The following ADAMTS19 variants were observed in gnomAD, a reference collection of about 807,000 sequenced individuals.
ADAMTS19 encodes the protein ADAM metallopeptidase with thrombospondin type 1 motif 19, also known as A disintegrin and metalloproteinase with thrombospondin motifs 19.
In ADAMTS19, 93 loss-of-function variants were observed where a neutral mutation model predicts 153.3. The ratio of observed to expected loss-of-function variants is 0.61; its 90% CI spans 0.51 to 0.72. ADAMTS19 has a LOEUF of 0.72. Among genes scored for constraint, ADAMTS19 ranks in the 30% least tolerant of loss-of-function variants. The pLI is 0.00. For synonymous variants in ADAMTS19, 600 were observed against 556.6 expected, an observed-to-expected ratio of 1.08 and a Z score of -1.10; for missense variants, 1,482 against 1,552.1, an observed-to-expected ratio of 0.95 and a Z score of 0.76.
At chr5:129,540,169 T>G (rs1291077136) in intron 6 of ADAMTS19, among the ~76,000 whole-genome samples, 1 of 152,094 alleles carries the variant, frequency 6.6e-6, no homozygotes, top group East Asian at 1.9e-4. Flanking sequence ...TAGTAAATGC[T>G]CATCGTAGAT....
chr5:129,530,783 C>T (rs1347891853), intron 6 of ADAMTS19, among the ~76,000 whole-genome samples: 1 of 150,070 alleles, frequency 6.7e-6, no homozygotes, highest in African/African-American at 2.5e-5. Context: ...TATCCAATAT[C>T]GTACTGAAGA....
At chr5:129,483,428 A>G (rs557216371) in intron 2 of ADAMTS19, among the ~76,000 whole-genome samples, 2 of 152,180 alleles carry the variant, frequency 1.3e-5, no homozygotes, top group Non-Finnish European at 2.9e-5. Context: ...GGGGCAGGAT[A>G]ATTGTTGTAG....
intron 6 of ADAMTS19, 90 bp downstream of exon 6, chr5:129,528,767 T>C: frequency 9.2e-7 from 1 of 1,092,338 alleles, no homozygotes; most frequent in Non-Finnish European, 1.3e-6. Context: ...ATGTTTTTAT[T>C]TCAGATTTCG....
At chr5:129,677,507 G>C (rs532474193) in intron 16 of ADAMTS19, among the ~76,000 whole-genome samples, 2 of 151,574 alleles carry the variant, frequency 1.3e-5, no homozygotes, top group African/African-American at 2.4e-5. Context: ...TTCTGATATT[G>C]CTCCTCAACT....
chr5:129,629,237 A>G (rs1752185108), intron 10 of ADAMTS19, among the ~76,000 whole-genome samples: 1 of 152,134 alleles, frequency 6.6e-6, no homozygotes, highest in Non-Finnish European at 1.5e-5. Context: ...TGTAGATAAC[A>G]TGATAACCTT....
chr5:129,716,400 T>C lies in ADAMTS19; in HGVS notation c.3312+12009T>C, dbSNP rs1581256674. Among the ~76,000 whole-genome samples, 3 of 152,194 alleles carry C rather than the reference T, an allele frequency of 2.0e-5. No individual in the cohort carries two copies. In the East Asian group the frequency reaches 5.8e-4, roughly 30 times the overall value. ...TTTTAGTAGAGATGGGGTTTTGCCA[T>C]GTTTCTCAGGCTGGTCTCAAACTCC... On this transcript the variant is annotated intron_variant, in intron 21 of 22. Transcript: ENST00000274487.
intron 3 of ADAMTS19, among the ~76,000 whole-genome samples, chr5:129,510,113 G>T (rs1751391189): frequency 6.6e-6 from 1 of 151,774 alleles, no homozygotes; most frequent in South Asian, 2.1e-4. Flanking sequence ...AAAATTTTCA[G>T]TGTAAGGACT....
intron 14 of ADAMTS19, among the ~76,000 whole-genome samples, chr5:129,657,580 C>A (rs25807): frequency 0.49 from 73,818 of 151,934 alleles, 19,646 homozygotes; most frequent in African/African-American, 0.7. Flanking sequence ...TAGAAGATTC[C>A]TATGAACGAA....
intron 10 of ADAMTS19, 23 bp from the exon 11 acceptor site, chr5:129,641,836 A>G (rs747313031): frequency 4.7e-6 from 7 of 1,489,240 alleles, no homozygotes; most frequent in Non-Finnish European, 5.5e-6. Flanking sequence ...TCCCCTTATT[A>G]GTTATTGTGC....
chr5:129,726,177 C>A (rs1014627490), intron 21 of ADAMTS19, among the ~76,000 whole-genome samples: 1 of 152,006 alleles, frequency 6.6e-6, no homozygotes, highest in African/African-American at 2.4e-5. Context: ...GATTGTGTTT[C>A]CTATTCAGAA....
chr5:129,477,422 G>A (rs1257294140), intron 2 of ADAMTS19, among the ~76,000 whole-genome samples: 2 of 152,254 alleles, frequency 1.3e-5, no homozygotes, highest in East Asian at 1.9e-4. Context: ...TACAACCTTC[G>A]TATGAGGGAG....
intron 10 of ADAMTS19, among the ~76,000 whole-genome samples, chr5:129,636,797 A>G (rs1482955865): frequency 6.6e-6 from 1 of 152,232 alleles, no homozygotes; most frequent in Non-Finnish European, 1.5e-5. Context: ...TATGTAGTCA[A>G]TGTTTATTAA....
In ADAMTS19 at chr5:129,708,833, A is replaced by G. The variant is rs145240779; in HGVS notation, c.3312+4442A>G. Among the ~76,000 whole-genome samples, 7 of 152,226 alleles carry G rather than the reference A, an allele frequency of 4.6e-5. No individual in the cohort carries two copies. In the East Asian group the frequency reaches 1.4e-3, roughly 29 times the overall value. On this transcript the variant is annotated intron_variant, in intron 21 of 22. Coordinates refer to ENST00000274487, the MANE Select transcript of ADAMTS19 (RefSeq NM_133638.6). The stretch of plus-strand genomic sequence containing the variant: ...TCCTTTAAAATTCTAGGAAATGATT[A>G]GTTTTGGACACATATAAAGTTATGA...
Position 129,460,311 on chromosome 5 carries a change from T to G in ADAMTS19, c.-81T>G, listed in dbSNP as rs1749598692. The stretch of plus-strand genomic sequence containing the variant: ...AATTCGCCGCCCGGCCTCCTAGCGC[T>G]CCGGGGAGGCCGCTGCGCCCCGGAG... On this transcript the variant is annotated 5_prime_UTR_variant, in exon 1 of 23. Transcript: ENST00000274487. 1 of 999,086 alleles carries G rather than the reference T, an allele frequency of 1.0e-6. No individual in the cohort carries two copies. 61.9% of individuals were successfully genotyped at this position (999,086 alleles called of 1,614,324 possible). A position where few individuals can be genotyped will look rare whatever the true frequency, so the allele number is the denominator to read the frequency against.
At chr5:129,689,528 G>A (rs571934251) in intron 18 of ADAMTS19, among the ~76,000 whole-genome samples, 1 of 152,222 alleles carries the variant, frequency 6.6e-6, no homozygotes, top group African/African-American at 2.4e-5. Context: ...AGTTTCAAGT[G>A]ATTCTCCTGC....
At chr5:129,621,159 AC>A (rs2126977500) in intron 9 of ADAMTS19, among the ~76,000 whole-genome samples, 1 of 152,212 alleles carries the variant, frequency 6.6e-6, no homozygotes, top group South Asian at 2.1e-4. Flanking sequence ...ATACATCTAC[AC>A]TTCTAATGTT....
chr5:129,666,168 A>C (rs1003079478), intron 16 of ADAMTS19, among the ~76,000 whole-genome samples: 2 of 151,906 alleles, frequency 1.3e-5, no homozygotes, highest in South Asian at 4.1e-4. Flanking sequence ...GTACTGTATC[A>C]GTTATTTTAA....
intron 2 of ADAMTS19, among the ~76,000 whole-genome samples, chr5:129,479,904 A>G (rs1345307738): frequency 1.3e-5 from 2 of 152,108 alleles, no homozygotes; most frequent in Admixed American, 1.3e-4. Flanking sequence ...TGATTTATAG[A>G]TTTGGTACAC....
chr5:129,490,273 C>G (rs990444380), intron 2 of ADAMTS19, among the ~76,000 whole-genome samples: 1 of 152,184 alleles, frequency 6.6e-6, no homozygotes, highest in Non-Finnish European at 1.5e-5. Context: ...TCCCCATTCT[C>G]TTACAGATAA....
Sources: gnomAD v4.1 joint callset for allele counts (sites outside exome capture counted in the v4.1 genomes callset) on GRCh38, gnomAD v4.1.1 for gene constraint, MANE v1.5 for transcripts, NCBI Gene and HGNC (gene_info 2026-07-23, HGNC 2026-07-21) for gene names.